FAM222B: variants seen among roughly 807,000 people sequenced by gnomAD.
The protein encoded by FAM222B is protein FAM222B.
Under a neutral mutation model 38.0 loss-of-function variants are expected in FAM222B, and 12 were observed. The ratio of observed to expected loss-of-function variants is 0.32; its 90% CI spans 0.20 to 0.51. FAM222B has a LOEUF of 0.51. FAM222B is among the 20% of genes least tolerant of loss of function. FAM222B has a pLI of 0.97. For synonymous variants in FAM222B, 329 were observed against 317.2 expected (o/e 1.04, Z -0.40); for missense variants, 716 against 754.2 (o/e 0.95, Z 0.59).
chr17:28,773,479 CAAAAAAAAAAAA>C (rs66716142), intron 1 of FAM222B, among the ~76,000 whole-genome samples: 2 of 60,760 alleles, frequency 3.3e-5, no homozygotes, highest in African/African-American at 1.4e-4. Flanking sequence ...AACTCTGTCT[CAAAAAAAAAAAA>C]AAAAAAAAAA....
chr17:28,766,700 G>A lies in FAM222B; in HGVS notation c.-33C>T. 1.3e-6 allele frequency: 2 copies of A among 1,532,758 alleles called. No individual in the cohort carries two copies. The highest frequency in any genetic ancestry group is 1.4e-5 in the African/African-American group (1 of 73,340). The allele number at this position is 1,532,758 out of a possible 1,614,324, so 94.9% of individuals were successfully genotyped here. ...TGGCATCAACACAACATGGGGCAGT[G>A]GCTCACACTGTAATGAACAAAAACA... On this transcript the variant is annotated 5_prime_UTR_variant, in exon 2 of 3. Transcript: ENST00000581407.
chr17:28,813,702 ATT>A (rs571045731), intron 1 of FAM222B, among the ~76,000 whole-genome samples: 5 of 135,284 alleles, frequency 3.7e-5, no homozygotes, highest in Admixed American at 7.4e-5. Flanking sequence ...CGCCCAGCTA[ATT>A]TTTTTTTTTT....
At chr17:28,825,082 T>C (rs1293571981) in intron 1 of FAM222B, among the ~76,000 whole-genome samples, 5 of 150,578 alleles carry the variant, frequency 3.3e-5, no homozygotes, top group Non-Finnish European at 5.9e-5. Context: ...ATTTCTAACA[T>C]AGCAACTGAA....
chr17:28,759,951 G>A lies in FAM222B; in HGVS notation c.83-75C>T. On this transcript the variant is annotated intron_variant, in intron 2 of 2. Coordinates refer to ENST00000581407, the MANE Select transcript of FAM222B (RefSeq NM_001077498.3). The surrounding 1 kb of genome is among the most constrained non-coding windows in gnomAD (Gnocchi z 4.8). ...AGTGCCAAGGCAAACAGCCCTTCCA[G>A]ATTCCCCTTTTGAGGGCCTGGGGTG... The A allele has an allele frequency of 7.2e-7, 1 of 1,395,556 alleles. No homozygotes were observed. Among genetic ancestry groups the A allele is most frequent in the Non-Finnish European group, 9.5e-7 (1 of 1,048,966 alleles). The allele number at this position is 1,395,556 out of a possible 1,614,324, so 86.4% of individuals were successfully genotyped here. A position where few individuals can be genotyped will look rare whatever the true frequency, so the allele number is the denominator to read the frequency against.
intron 1 of FAM222B, among the ~76,000 whole-genome samples, chr17:28,780,644 G>C (rs1254487098): frequency 1.3e-5 from 2 of 152,150 alleles, no homozygotes; most frequent in African/African-American, 2.4e-5. Context: ...CACTTTGGGA[G>C]ACTGATGTGG....
At chr17:28,849,439 G>C (rs1306918480) in intron 1 of FAM222B, 4 of 152,200 alleles carry the variant, frequency 2.6e-5, no homozygotes, top group Non-Finnish European at 5.9e-5. Flanking sequence ...TACACTCCAG[G>C]AACTCACCAG....
At chr17:28,816,173 A>C (rs553251270) in intron 1 of FAM222B, among the ~76,000 whole-genome samples, 1 of 151,820 alleles carries the variant, frequency 6.6e-6, no homozygotes, top group African/African-American at 2.4e-5. Flanking sequence ...GCTACTCGGG[A>C]GGCTGGGACA....
In FAM222B at chr17:28,758,476, A is replaced by C. The variant is rs768387901; in HGVS notation, c.1483T>G (p.Tyr495Asp). Residue 495 changes from tyrosine to aspartate, a missense_variant, in exon 3 of 3, where the codon TAC (tyrosine) becomes GAC (aspartate). Transcript: ENST00000581407. ...GGACCGCCCCCGGTCCCTGCTCGGTAGTGGGCCCCGGGAGCTGCCGCACAG... is the reference window on the plus strand; with the variant it reads ...GGACCGCCCCCGGTCCCTGCTCGGTCGTGGGCCCCGGGAGCTGCCGCACAG... The part of the protein sequence containing the change: ...LDCAAAPGAH[Y>D]RAGTGGGPVA... 2 of 1,613,190 alleles carry C rather than the reference A, an allele frequency of 1.2e-6. No homozygotes were observed. The highest frequency in any genetic ancestry group is 1.7e-6 in the Non-Finnish European group (2 of 1,179,734).
At chr17:28,830,995 T>C (rs1011033871) in intron 1 of FAM222B, among the ~76,000 whole-genome samples, 9 of 54,328 alleles carry the variant, frequency 1.7e-4, no homozygotes, top group Non-Finnish European at 6.2e-4. Flanking sequence ...TGTTTCTTTT[T>C]TTTTTTTTTT....
At chr17:28,830,830 A>T (rs938380251) in intron 1 of FAM222B, among the ~76,000 whole-genome samples, 6 of 149,160 alleles carry the variant, frequency 4.0e-5, no homozygotes, top group Admixed American at 6.7e-5. Flanking sequence ...TATTAAAAAA[A>T]AAATAAAATA....
intron 1 of FAM222B, among the ~76,000 whole-genome samples, chr17:28,826,068 G>GT (rs202099247): frequency 0.023 from 3,303 of 145,814 alleles, 37 homozygotes; most frequent in Middle Eastern, 0.04. Flanking sequence ...GCCATTAACT[G>GT]TTTTTTTTGT....
At chr17:28,779,093 C>T (rs1567819550) in intron 1 of FAM222B, among the ~76,000 whole-genome samples, 1 of 152,024 alleles carries the variant, frequency 6.6e-6, no homozygotes, top group African/African-American at 2.4e-5. Flanking sequence ...TTCTGCCAAA[C>T]ACTTAAGGTA....
chr17:28,802,801 A>C (rs2037300165), intron 1 of FAM222B: 1 of 153,746 alleles, frequency 6.5e-6, no homozygotes, highest in South Asian at 2.1e-4. Context: ...AAATCTACAG[A>C]CACTCCATGT....
chr17:28,779,476 G>A (rs1414732555), intron 1 of FAM222B, among the ~76,000 whole-genome samples: 1 of 152,126 alleles, frequency 6.6e-6, no homozygotes, highest in Non-Finnish European at 1.5e-5. Flanking sequence ...GACAGGCCGG[G>A]CGCGGTGGCT....
intron 2 of FAM222B, among the ~76,000 whole-genome samples, chr17:28,763,689 C>T (rs774393815): frequency 4.6e-5 from 7 of 152,220 alleles, no homozygotes; most frequent in Non-Finnish European, 7.3e-5. Flanking sequence ...GTGGCACTGG[C>T]AAGTGACAAA....
At chr17:28,802,142 G>C (rs564140006) in intron 1 of FAM222B, among the ~76,000 whole-genome samples, 16 of 150,746 alleles carry the variant, frequency 1.1e-4, no homozygotes, top group Non-Finnish European at 2.2e-4. Context: ...AGGTGCAATG[G>C]TGTGATCGGC....
intron 1 of FAM222B, among the ~76,000 whole-genome samples, chr17:28,835,580 T>C (rs1381650414): frequency 6.6e-6 from 1 of 152,240 alleles, no homozygotes; most frequent in Non-Finnish European, 1.5e-5. Context: ...ATGTTGTTTC[T>C]AGATTTGCAT....
At chr17:28,837,929 A>C (rs1320205925) in intron 1 of FAM222B, among the ~76,000 whole-genome samples, 1 of 152,142 alleles carries the variant, frequency 6.6e-6, no homozygotes, top group Non-Finnish European at 1.5e-5. Context: ...CTAGGATTAC[A>C]GGAGTGAGCC....
chr17:28,759,179 G>A lies in FAM222B; in HGVS notation c.780C>T (p.Ser260=). Residue 260 remains serine (S), a synonymous_variant, in exon 3 of 3, where the codon AGC becomes AGT. Coordinates refer to ENST00000581407, the MANE Select transcript of FAM222B (RefSeq NM_001077498.3). This position sits in a 1 kb window ranked among gnomAD's most constrained non-coding sequence, Gnocchi z 4.8. ...PLSMAATLQH[S]QPPDLSSIVH... The stretch of plus-strand genomic sequence containing the variant: ...CGATGCTACTCAGGTCCGGAGGCTG[G>A]CTGTGCTGCAGAGTGGCCGCCATTG... 1.2e-6 allele frequency: 2 copies of A among 1,613,170 alleles called. No individual in the cohort carries two copies. The highest frequency in any genetic ancestry group is 1.7e-6 in the Non-Finnish European group (2 of 1,179,608).
Sources: gnomAD v4.1 joint callset for allele counts (sites outside exome capture counted in the v4.1 genomes callset) on GRCh38, gnomAD v4.1.1 for gene constraint, Gnocchi (gnomAD v3.1) non-coding constraint, MANE v1.5 for transcripts, NCBI Gene and HGNC (gene_info 2026-07-23, HGNC 2026-07-21) for gene names.